Variants in TLN2 observed in about 807,000 individuals in gnomAD.
The protein encoded by TLN2 is talin-2.
A neutral mutation model predicts 294.7 loss-of-function variants in TLN2; 118 were observed. That is an observed-to-expected ratio of 0.40 (90% CI 0.34 to 0.47). The LOEUF (loss-of-function observed/expected upper bound fraction) is 0.47. Among genes scored for constraint, TLN2 ranks in the 20% least tolerant of loss-of-function variants. The pLI is 0.84. For missense variants in TLN2, 3,083 were observed against 3,282.2 expected (o/e 0.94, Z 1.48); for synonymous variants, 1,431 against 1,304.5 (o/e 1.10, Z -2.09).
At chr15:62,489,254 CTT>C (rs1368875828) in intron 1 of TLN2, among the ~76,000 whole-genome samples, 2 of 152,176 alleles carry the variant, frequency 1.3e-5, no homozygotes, top group African/African-American at 4.8e-5. Flanking sequence ...CTTTTCTTCA[CTT>C]TTTCTAAAAC....
rs1265568155 is a variant in TLN2, at chr15:62,480,520, C to T, written c.-238+89835C>T. Among the ~76,000 whole-genome samples the T allele has an allele frequency of 4.6e-5, 7 of 152,230 alleles. No homozygotes were observed. In the South Asian group the frequency reaches 1.0e-3, roughly 23 times the overall value. ...GATTACAGGCGTGAGCCACGGTGCC[C>T]GGCCTATATTTCTTTAAAATGTCTT... On this transcript the variant is annotated intron_variant, in intron 1 of 58. Transcript: ENST00000636159.
At chr15:62,480,589 T>C (rs957091418) in intron 1 of TLN2, among the ~76,000 whole-genome samples, 1 of 152,232 alleles carries the variant, frequency 6.6e-6, no homozygotes, top group African/African-American at 2.4e-5. Flanking sequence ...CCTGTTGATA[T>C]ATTTAAAAAT....
At chr15:62,742,021 TGG>T (rs202225338) in intron 32 of TLN2, among the ~76,000 whole-genome samples, 8,594 of 37,576 alleles carry the variant, frequency 0.23, 913 homozygotes, top group East Asian at 0.5. Flanking sequence ...TGGCTTGTAG[TGG>T]GGTGTGTGTG....
At chr15:62,552,894 A>G (rs1325246318) in intron 1 of TLN2, among the ~76,000 whole-genome samples, 1 of 152,244 alleles carries the variant, frequency 6.6e-6, no homozygotes, top group Admixed American at 6.5e-5. Context: ...CAGTATTCAC[A>G]GAGACTTCAT....
At chr15:62,428,434 G>T (rs2034834045) in intron 1 of TLN2, among the ~76,000 whole-genome samples, 1 of 152,196 alleles carries the variant, frequency 6.6e-6, no homozygotes, top group African/African-American at 2.4e-5. Context: ...CGTAATGTTT[G>T]TCCCTCTAGA....
intron 1 of TLN2, among the ~76,000 whole-genome samples, chr15:62,443,690 T>C (rs753241867): frequency 9.9e-5 from 15 of 152,264 alleles, no homozygotes; most frequent in Admixed American, 2.6e-4. Context: ...TGAGATTCAG[T>C]CTGTAGGGTG....
rs77392958 is a variant in TLN2 at position 62,752,278 on chromosome 15, G to A, written c.4210-27G>A. ...TTGGTTTGAGGCAATGCTGGATAGA[G>A]AATGTTGCTGGCCGTTTGTTTTGCA... is the stretch of plus-strand genomic sequence containing the variant. On this transcript the variant is annotated intron_variant, in intron 34 of 58. Coordinates refer to ENST00000636159, the MANE Select transcript of TLN2 (RefSeq NM_015059.3). 1.6e-3 allele frequency: 2,543 copies of A among 1,613,250 alleles called. 34 individuals are homozygous for A. The East Asian group carries it at 0.034, about 22-fold the overall frequency.
chr15:62,546,558 G>A (rs1567081675), intron 1 of TLN2, among the ~76,000 whole-genome samples: 1 of 152,164 alleles, frequency 6.6e-6, no homozygotes, highest in African/African-American at 2.4e-5. Flanking sequence ...TAGTCTTCCT[G>A]GGGGCATGTT....
At chr15:62,577,296 A>G (rs917029242) in intron 1 of TLN2, among the ~76,000 whole-genome samples, 2 of 152,074 alleles carry the variant, frequency 1.3e-5, no homozygotes, top group African/African-American at 4.8e-5. Flanking sequence ...ATACAAAATT[A>G]GCCGGGTGTG....
chr15:62,794,577 G>A (rs893175081), intron 46 of TLN2, among the ~76,000 whole-genome samples: 13 of 152,220 alleles, frequency 8.5e-5, no homozygotes, highest in Non-Finnish European at 1.9e-4. Flanking sequence ...CATCCTCTGA[G>A]GGGCTTTCCA....
chr15:62,448,320 G>A (rs554317527), intron 1 of TLN2, among the ~76,000 whole-genome samples: 1 of 152,308 alleles, frequency 6.6e-6, no homozygotes, highest in African/African-American at 2.4e-5. Flanking sequence ...ATGCTTTACA[G>A]AGTTAGGTAG....
chr15:62,607,278 T>G (rs1273251201), intron 2 of TLN2, among the ~76,000 whole-genome samples: 2 of 152,170 alleles, frequency 1.3e-5, no homozygotes, highest in Non-Finnish European at 2.9e-5. Flanking sequence ...AGCTTTCTAT[T>G]TGTCATCCTG....
chr15:62,706,537 A>G (rs754958984), intron 19 of TLN2, among the ~76,000 whole-genome samples: 1 of 152,250 alleles, frequency 6.6e-6, no homozygotes, highest in African/African-American at 2.4e-5. Flanking sequence ...TATTGGTGCC[A>G]GCTATGTGTC....
intron 55 of TLN2, 110 bp from the exon 56 acceptor site, chr15:62,835,627 A>C: frequency 8.5e-7 from 1 of 1,171,422 alleles, no homozygotes; most frequent in South Asian, 1.2e-5. Context: ...TGTTGGCAGG[A>C]GGCACCAAGC....
At chr15:62,720,158 C>T (rs1195567439) in intron 25 of TLN2, among the ~76,000 whole-genome samples, 4 of 152,308 alleles carry the variant, frequency 2.6e-5, no homozygotes, top group South Asian at 2.1e-4. Flanking sequence ...GAAGAAAACA[C>T]GTAAAATGTT....
chr15:62,403,617 C>G (rs1297792914), intron 1 of TLN2, among the ~76,000 whole-genome samples: 1 of 152,216 alleles, frequency 6.6e-6, no homozygotes, highest in Non-Finnish European at 1.5e-5. Flanking sequence ...TCTACAGGCT[C>G]TCCTCAGCAT....
At chr15:62,501,964 C>T (rs375501959) in intron 1 of TLN2, among the ~76,000 whole-genome samples, 1 of 152,152 alleles carries the variant, frequency 6.6e-6, no homozygotes, top group Non-Finnish European at 1.5e-5. Flanking sequence ...AGTTTGGGCA[C>T]CTTGGTATCA....
At chr15:62,621,585 C>T (rs192058334) in intron 3 of TLN2, among the ~76,000 whole-genome samples, 411 of 152,238 alleles carry the variant, frequency 2.7e-3, no homozygotes, top group Non-Finnish European at 4.2e-3. Flanking sequence ...GAAACTCAAT[C>T]GTGCAGCAGT....
chr15:62,660,555 A>G (rs948480703), intron 9 of TLN2, among the ~76,000 whole-genome samples: 3 of 152,224 alleles, frequency 2.0e-5, no homozygotes, highest in African/African-American at 7.2e-5. Flanking sequence ...AAGAAGGGAC[A>G]TTTTATTGGT....
Sources: allele counts gnomAD v4.1 joint callset (sites outside exome capture counted in the v4.1 genomes callset), GRCh38; gene constraint gnomAD v4.1.1; transcripts MANE v1.5; gene names NCBI Gene and HGNC (gene_info 2026-07-23, HGNC 2026-07-21).